Variants in CNTN1 observed in about 807,000 individuals in gnomAD.
CNTN1 encodes contactin-1.
In CNTN1, 38 loss-of-function variants were observed where a neutral mutation model predicts 126.4. The observed-to-expected ratio is 0.30, with a 90% CI of 0.23 to 0.39. The LOEUF is 0.39. Ranked by LOEUF, CNTN1 falls within the 10% of genes least tolerant of loss-of-function variation. The pLI is 1.00. For synonymous variants in CNTN1, 413 were observed against 422.6 expected (o/e 0.98, Z 0.28); for missense variants, 1,009 against 1,248.4 (o/e 0.81, Z 2.89).
chr12:40,790,024 T>C (rs1264011996), intron 1 of CNTN1, among the ~76,000 whole-genome samples: 3 of 152,132 alleles, frequency 2.0e-5, no homozygotes, highest in African/African-American at 4.8e-5. Flanking sequence ...TGTATAAATC[T>C]ATTATTTTGC....
intron 15 of CNTN1, chr12:40,971,605 C>A: frequency 6.6e-7 from 1 of 1,518,056 alleles, no homozygotes; most frequent in East Asian, 2.5e-5. Flanking sequence ...TTCTGCAGTT[C>A]TCCCCACCCC....
chr12:40,712,864 T>G (rs943948719), intron 1 of CNTN1, among the ~76,000 whole-genome samples: 1 of 152,088 alleles, frequency 6.6e-6, no homozygotes, highest in Admixed American at 6.6e-5. Flanking sequence ...TGTAGCCTAA[T>G]GGAAAATATT....
intron 15 of CNTN1, among the ~76,000 whole-genome samples, chr12:40,975,234 A>C (rs1184609105): frequency 7.2e-6 from 1 of 138,248 alleles, no homozygotes. Context: ...GTTTTAGTGG[A>C]CTCTTAAATG....
chr12:40,695,597 A>G (rs1941431067), intron 1 of CNTN1, among the ~76,000 whole-genome samples: 1 of 152,130 alleles, frequency 6.6e-6, no homozygotes, highest in African/African-American at 2.4e-5. Flanking sequence ...CATATCCCAC[A>G]ACTTATTCTA....
At chr12:40,993,306 T>G (rs775857144) in intron 17 of CNTN1, 37 bp downstream of exon 17, 1 of 1,565,594 alleles carries the variant, frequency 6.4e-7, no homozygotes, top group Admixed American at 1.7e-5. Flanking sequence ...TTTAAAAGAT[T>G]TCTAAATACA....
rs376198815 is a variant in CNTN1 at position 40,819,503 on chromosome 12, T to C, written c.-76-88854T>C. ...TGTGCTGTGCTGTGGGGCCAAGTCT[T>C]GGGACCAAGCTATCCAGTCTTCCTG... On this transcript the variant is annotated intron_variant, in intron 1 of 23. Transcript: ENST00000551295. 6.6e-5 allele frequency among the ~76,000 whole-genome samples: 10 copies of C among 152,170 alleles called. No homozygotes were observed. In the East Asian group the frequency reaches 1.5e-3, roughly 24 times the overall value.
At chr12:41,002,728 T>C (rs1327186094) in intron 17 of CNTN1, among the ~76,000 whole-genome samples, 1 of 151,942 alleles carries the variant, frequency 6.6e-6, no homozygotes, top group Non-Finnish European at 1.5e-5. Flanking sequence ...CGGCTAATTC[T>C]TTGTATTTTT....
At chr12:40,758,884 T>TTA (rs59939375) in intron 1 of CNTN1, among the ~76,000 whole-genome samples, 1 of 150,616 alleles carries the variant, frequency 6.6e-6, no homozygotes, top group Non-Finnish European at 1.5e-5. Flanking sequence ...GATTCAGGTT[T>TTA]TATATATATA....
intron 1 of CNTN1, among the ~76,000 whole-genome samples, chr12:40,721,299 G>A (rs886476424): frequency 6.6e-6 from 1 of 151,924 alleles, no homozygotes; most frequent in African/African-American, 2.4e-5. Flanking sequence ...TGGCAAAGTA[G>A]CTACATGGAT....
At chr12:40,763,488 TGTA>T (rs927631912) in intron 1 of CNTN1, among the ~76,000 whole-genome samples, 4 of 151,830 alleles carry the variant, frequency 2.6e-5, no homozygotes, top group African/African-American at 4.8e-5. Context: ...AGTGGAAAAA[TGTA>T]GTAAGAACAA....
At position 41,067,677 on chromosome 12, in the gene CNTN1, T is replaced by C. The variant is rs112612603; in HGVS notation, c.2981-2282T>C. 7.9e-3 allele frequency among the ~76,000 whole-genome samples: 1,184 copies of C among 149,542 alleles called. 18 individuals carry two copies. Among genetic ancestry groups the C allele is most frequent in the African/African-American group, 0.027 (1,112 of 40,490 alleles). ...ATATACCTAATGCTAGATGACGAGT[T>C]AGTGGGTGCAGCGCACCAGCATGGC... On this transcript the variant is annotated intron_variant, in intron 23 of 23. Coordinates refer to ENST00000551295, the MANE Select transcript of CNTN1 (RefSeq NM_001843.4).
intron 1 of CNTN1, among the ~76,000 whole-genome samples, chr12:40,907,446 G>C (rs570407826): frequency 6.6e-6 from 1 of 152,240 alleles, no homozygotes; most frequent in East Asian, 1.9e-4. Context: ...TAGTCACAGT[G>C]GTGGATTTTA....
chr12:40,915,068 T>C (rs978745977), intron 3 of CNTN1, among the ~76,000 whole-genome samples: 2 of 152,098 alleles, frequency 1.3e-5, no homozygotes, highest in African/African-American at 4.8e-5. Context: ...ACTTAAAACA[T>C]ATTCTCAGTT....
intron 1 of CNTN1, among the ~76,000 whole-genome samples, chr12:40,821,084 A>G (rs1227168539): frequency 6.6e-6 from 1 of 152,228 alleles, no homozygotes; most frequent in Non-Finnish European, 1.5e-5. Context: ...AATAACCAAG[A>G]GTGTACACAT....
intron 1 of CNTN1, among the ~76,000 whole-genome samples, chr12:40,710,653 A>G (rs1210584355): frequency 2.0e-5 from 3 of 152,196 alleles, no homozygotes; most frequent in African/African-American, 7.2e-5. Flanking sequence ...TGGAAATCTA[A>G]TATCTGATCT....
intron 1 of CNTN1, among the ~76,000 whole-genome samples, chr12:40,717,610 A>G (rs1942081176): frequency 6.6e-6 from 1 of 152,140 alleles, no homozygotes; most frequent in African/African-American, 2.4e-5. Flanking sequence ...GATGAACTTC[A>G]TTTATTTTAT....
At chr12:40,868,824 A>G (rs1274872894) in intron 1 of CNTN1, among the ~76,000 whole-genome samples, 1 of 152,082 alleles carries the variant, frequency 6.6e-6, no homozygotes, top group African/African-American at 2.4e-5. Flanking sequence ...CAGCAGCTGT[A>G]ACCTCACATG....
intron 1 of CNTN1, among the ~76,000 whole-genome samples, chr12:40,730,923 G>A (rs1450642905): frequency 6.6e-6 from 1 of 152,048 alleles, no homozygotes; most frequent in African/African-American, 2.4e-5. Flanking sequence ...AATATAATGT[G>A]TAGAATGAGA....
At chr12:40,867,364 C>T (rs913562969) in intron 1 of CNTN1, among the ~76,000 whole-genome samples, 19 of 152,112 alleles carry the variant, frequency 1.2e-4, no homozygotes, top group African/African-American at 4.6e-4. Flanking sequence ...ACAATGATCA[C>T]TAATCTTTCT....
Sources: allele counts gnomAD v4.1 joint callset (sites outside exome capture counted in the v4.1 genomes callset), GRCh38; gene constraint gnomAD v4.1.1; transcripts MANE v1.5; gene names NCBI Gene and HGNC (gene_info 2026-07-23, HGNC 2026-07-21).